The following TWIST2 variants were observed in gnomAD, a reference collection of about 807,000 sequenced individuals.
TWIST2 encodes the protein twist family bHLH transcription factor 2, also known as twist-related protein 2.
Under a neutral mutation model 11.6 loss-of-function variants are expected in TWIST2, and 1 was observed. That is an observed-to-expected ratio of 0.09 (90% CI 0.03 to 0.41). TWIST2 has a LOEUF of 0.41. Ranked by LOEUF, TWIST2 falls within the 10% of genes least tolerant of loss-of-function variation. The pLI, the probability that TWIST2 is intolerant of heterozygous loss-of-function variation, is 0.98. For missense variants in TWIST2, 168 were observed against 226.4 expected (o/e 0.74, Z 1.66); for synonymous variants, 87 against 96.6 (o/e 0.90, Z 0.58).
At chr2:238,905,728 TATTA>T (rs1399606837) in intron 1 of TWIST2, among the ~76,000 whole-genome samples, 1 of 152,078 alleles carries the variant, frequency 6.6e-6, no homozygotes, top group African/African-American at 2.4e-5. Context: ...CACCCCCCCT[TATTA>T]ATTATCTAAT....
intron 1 of TWIST2, among the ~76,000 whole-genome samples, chr2:238,906,559 ATG>A (rs1693358709): frequency 1.3e-5 from 2 of 151,994 alleles, no homozygotes; most frequent in African/African-American, 2.4e-5. Flanking sequence ...CACGATACAC[ATG>A]CTCACACAAT....
At chr2:238,897,807 C>CT (rs1693223320) in intron 1 of TWIST2, among the ~76,000 whole-genome samples, 2 of 152,358 alleles carry the variant, frequency 1.3e-5, no homozygotes, top group African/African-American at 4.8e-5. Context: ...AGCTGGGAGC[C>CT]TACCCGGAGC....
intron 1 of TWIST2, among the ~76,000 whole-genome samples, chr2:238,894,585 G>A (rs2106370770): frequency 6.6e-6 from 1 of 152,238 alleles, no homozygotes; most frequent in East Asian, 1.9e-4. Context: ...GGTGTCTGTG[G>A]CCCCCCAAAC....
chr2:238,896,747 C>T (rs1367470117), intron 1 of TWIST2, among the ~76,000 whole-genome samples: 1 of 152,224 alleles, frequency 6.6e-6, no homozygotes, highest in Admixed American at 6.5e-5. Context: ...ATGGGGCCAG[C>T]CGCTGCCACA....
intron 1 of TWIST2, among the ~76,000 whole-genome samples, chr2:238,879,096 G>A (rs1417593668): frequency 6.6e-6 from 1 of 152,214 alleles, no homozygotes; most frequent in Non-Finnish European, 1.5e-5. Context: ...GCTGACTGAG[G>A]TTGTCTCGGC....
intron 1 of TWIST2, among the ~76,000 whole-genome samples, chr2:238,905,888 CGCATGCGCGTGTGTGCGTGTGTGT>C (rs1693336760): frequency 4.2e-5 from 6 of 141,350 alleles, no homozygotes; most frequent in African/African-American, 1.4e-4. Context: ...TGCATGTGCG[CGCATGCGCGTGTGTGCGTGTGTGT>C]GCGTGCAGGT....
chr2:238,868,053 T>C (rs1050423289), intron 1 of TWIST2, among the ~76,000 whole-genome samples: 3 of 152,206 alleles, frequency 2.0e-5, no homozygotes, highest in Non-Finnish European at 4.4e-5. Flanking sequence ...CAAGGAACAC[T>C]GCAGTTAGGA....
intron 1 of TWIST2, among the ~76,000 whole-genome samples, chr2:238,889,683 C>T (rs913845510): frequency 2.6e-4 from 39 of 152,194 alleles, no homozygotes; most frequent in African/African-American, 7.7e-4. Context: ...CCTCTACGGC[C>T]CCATTGCAGT....
Position 238,869,366 on chromosome 2 carries a change from C to T in TWIST2, c.*35+20633C>T, listed in dbSNP as rs536557441. Among the ~76,000 whole-genome samples the T allele has an allele frequency of 1.1e-4, 16 of 152,226 alleles. No homozygotes were observed. The East Asian group carries it at 1.9e-3, about 18-fold the overall frequency. The stretch of plus-strand genomic sequence containing the variant: ...CAAAAATAGACAAATGGGACTACGT[C>T]GAACTTAAAAACTCCTTTGTATCGA... On this transcript the variant is annotated intron_variant, in intron 1 of 1. Coordinates refer to ENST00000612363, the MANE Select transcript of TWIST2 (RefSeq NM_001271893.4).
At chr2:238,856,567 G>A (rs1173065830) in intron 1 of TWIST2, among the ~76,000 whole-genome samples, 1 of 152,066 alleles carries the variant, frequency 6.6e-6, no homozygotes, top group Admixed American at 6.5e-5. Flanking sequence ...TAAAAGAGAA[G>A]GTTAGGATGT....
chr2:238,870,549 A>ACACCACACACACACACCACACACACAT, intron 1 of TWIST2, among the ~76,000 whole-genome samples: 1 of 113,488 alleles, frequency 8.8e-6, no homozygotes, highest in Non-Finnish European at 1.8e-5. Flanking sequence ...TACCCCACAC[A>ACACCACACACACACACCACACACACAT]CCCCACACAC....
rs1282265150 is a variant in TWIST2, at chr2:238,870,259, CAAG to C, written c.*35+21527_*35+21529del. Among the ~76,000 whole-genome samples, 9 of 8,300 alleles carry C rather than the reference CAAG, an allele frequency of 1.1e-3. 2 individuals are homozygous for C. The highest frequency in any genetic ancestry group is 2.6e-3 in the Admixed American group (3 of 1,160). 5.4% of individuals were successfully genotyped at this position (8,300 alleles called of 152,430 possible). The stretch of plus-strand genomic sequence containing the variant: ...ACACACAAACCACACACCCCACACA[CAAG>C]CCACACACCCCACACACACATCACA... On this transcript the variant is annotated intron_variant, in intron 1 of 1. Transcript: ENST00000612363.
At chr2:238,886,657 G>T in intron 1 of TWIST2, 1 of 152,234 alleles carries the variant, frequency 6.6e-6, no homozygotes, top group African/African-American at 2.4e-5. Context: ...TACCGGTTGA[G>T]TGGAGCGAAG....
At chr2:238,902,977 G>GTGTGTGTGA (rs1553572262) in intron 1 of TWIST2, among the ~76,000 whole-genome samples, 85 of 4,184 alleles carry the variant, frequency 0.02, 15 homozygotes, top group African/African-American at 0.072. Flanking sequence ...TGTGTGTGAT[G>GTGTGTGTGA]TGGGTGTGTG....
chr2:238,902,906 T>C (rs1267164493), intron 1 of TWIST2, among the ~76,000 whole-genome samples: 2 of 94,000 alleles, frequency 2.1e-5, no homozygotes, highest in Non-Finnish European at 4.0e-5. Context: ...GTGTGATGGG[T>C]ATGTGCGTGA....
intron 1 of TWIST2, among the ~76,000 whole-genome samples, chr2:238,909,244 GA>G (rs1279901500): frequency 9.5e-6 from 1 of 105,728 alleles, no homozygotes; most frequent in Non-Finnish European, 2.1e-5. Flanking sequence ...GGTATGTGTG[GA>G]AACTGGGTGA....
At chr2:238,899,019 T>A (rs1369795653) in intron 1 of TWIST2, among the ~76,000 whole-genome samples, 6 of 152,252 alleles carry the variant, frequency 3.9e-5, no homozygotes, top group Non-Finnish European at 7.3e-5. Flanking sequence ...GAGGCTGCCA[T>A]CTGTGCCCTG....
rs957082656 is a variant in TWIST2 at position 238,897,181 on chromosome 2, C to T, written c.*36-12661C>T. On this transcript the variant is annotated intron_variant, in intron 1 of 1. Transcript: ENST00000612363. ...CCCCTTTGAAAGTCGCTGTCAGGGA[C>T]GGTATCCCTGCGTTCCTCCTGCCGC... Among the ~76,000 whole-genome samples the T allele has an allele frequency of 3.9e-4, 59 of 152,262 alleles. No individual in the cohort carries two copies. In the East Asian group the frequency reaches 9.5e-3, roughly 24 times the overall value.
chr2:238,868,320 C>G (rs140413760), intron 1 of TWIST2, among the ~76,000 whole-genome samples: 1 of 152,154 alleles, frequency 6.6e-6, no homozygotes, highest in Non-Finnish European at 1.5e-5. Flanking sequence ...GTGCCGGGAG[C>G]CCCCCGCCCC....
Sources: allele counts gnomAD v4.1 joint callset (sites outside exome capture counted in the v4.1 genomes callset), GRCh38; gene constraint gnomAD v4.1.1; transcripts MANE v1.5; gene names NCBI Gene and HGNC (gene_info 2026-07-23, HGNC 2026-07-21).